The following MYO1E variants were observed in gnomAD, a reference collection of about 807,000 sequenced individuals.
MYO1E encodes the protein unconventional myosin-Ie.
Under a neutral mutation model 151.1 loss-of-function variants are expected in MYO1E, and 68 were observed. That is an observed-to-expected ratio of 0.45 (90% confidence interval 0.37 to 0.55). The LOEUF is 0.55. Ranked by LOEUF, MYO1E falls within the 20% of genes least tolerant of loss-of-function variation. The pLI is 0.00. For synonymous variants in MYO1E, 601 were observed against 501.7 expected, an observed-to-expected ratio of 1.20 and a Z score of -2.64; for missense variants, 1,363 against 1,389.3, an observed-to-expected ratio of 0.98 and a Z score of 0.30.
intron 1 of MYO1E, among the ~76,000 whole-genome samples, chr15:59,312,628 T>C (rs1279883595): frequency 6.6e-6 from 1 of 152,098 alleles, no homozygotes; most frequent in Non-Finnish European, 1.5e-5. Flanking sequence ...CCTCCCAAAG[T>C]GCTGGGATTA....
At chr15:59,246,998 C>T (rs1274348809) in intron 4 of MYO1E, among the ~76,000 whole-genome samples, 2 of 152,154 alleles carry the variant, frequency 1.3e-5, no homozygotes, top group Non-Finnish European at 2.9e-5. Flanking sequence ...GCACCTGAGT[C>T]CAGCCTGGGC....
chr15:59,277,573 AC>A (rs1379671578), intron 1 of MYO1E, among the ~76,000 whole-genome samples: 7 of 148,200 alleles, frequency 4.7e-5, no homozygotes, highest in Admixed American at 1.3e-4. Context: ...AAAAAAAAAA[AC>A]ATCAAAGCCT....
intron 15 of MYO1E, among the ~76,000 whole-genome samples, chr15:59,204,635 G>A (rs1340620437): frequency 6.6e-6 from 1 of 152,186 alleles, no homozygotes; most frequent in African/African-American, 2.4e-5. Context: ...TTCTAGCAGC[G>A]TGCAAGGGGG....
rs529928922 is a variant in MYO1E at position 59,183,119 on chromosome 15, C to A, written c.1905-4582G>T. 7.2e-4 allele frequency among the ~76,000 whole-genome samples: 109 copies of A among 151,272 alleles called. 2 individuals carry two copies. The highest frequency in any genetic ancestry group is 2.9e-4 in the African/African-American group (12 of 41,120). On this transcript the variant is annotated intron_variant, in intron 18 of 27. Transcript: ENST00000288235. ...GCCCAGTTCCTAACAGGCCACAGAC[C>A]AGTACTGGTCCCCTGCTGCGAGTTG...
chr15:59,150,890 C>T (rs567514166), intron 26 of MYO1E, among the ~76,000 whole-genome samples: 1 of 152,186 alleles, frequency 6.6e-6, no homozygotes, highest in Admixed American at 6.5e-5. Flanking sequence ...TTCTACTGCA[C>T]ACTAGAGTTT....
At chr15:59,182,034 G>A (rs1364139132) in intron 18 of MYO1E, among the ~76,000 whole-genome samples, 1 of 152,172 alleles carries the variant, frequency 6.6e-6, no homozygotes, top group East Asian at 1.9e-4. Context: ...TGCGTCTTAT[G>A]GAAAATTGTG....
chr15:59,335,268 T>C, intron 1 of MYO1E, among the ~76,000 whole-genome samples: 1 of 152,220 alleles, frequency 6.6e-6, no homozygotes, highest in East Asian at 1.9e-4. Flanking sequence ...TGGATATATG[T>C]ACTATCCTTG....
intron 7 of MYO1E, among the ~76,000 whole-genome samples, chr15:59,225,901 A>C (rs1215490399): frequency 9.2e-5 from 14 of 152,188 alleles, no homozygotes; most frequent in South Asian, 4.2e-4. Context: ...CCACCTTGGC[A>C]TCCCAAAGTG....
intron 4 of MYO1E, among the ~76,000 whole-genome samples, chr15:59,249,394 C>T (rs1334216450): frequency 6.9e-6 from 1 of 145,932 alleles, no homozygotes; most frequent in African/African-American, 2.5e-5. Context: ...CATTGCACTC[C>T]AGCCTGGTGA....
At chr15:59,248,780 T>G (rs539997125) in intron 4 of MYO1E, among the ~76,000 whole-genome samples, 1 of 152,200 alleles carries the variant, frequency 6.6e-6, no homozygotes, top group Non-Finnish European at 1.5e-5. Flanking sequence ...TTAGTTCATG[T>G]GTTCACATCT....
chr15:59,270,766 G>A (rs1233849824), intron 2 of MYO1E: 4 of 151,724 alleles, frequency 2.6e-5, no homozygotes, highest in African/African-American at 9.7e-5. Context: ...AACCTCCCAA[G>A]TTACAAGTTA....
At chr15:59,343,361 G>A (rs2140430427) in intron 1 of MYO1E, among the ~76,000 whole-genome samples, 1 of 151,498 alleles carries the variant, frequency 6.6e-6, no homozygotes, top group South Asian at 2.1e-4. Context: ...AGTTTCCACT[G>A]AAAAGTCTGC....
At chr15:59,157,942 C>G (rs148386052) in intron 25 of MYO1E, among the ~76,000 whole-genome samples, 2 of 152,334 alleles carry the variant, frequency 1.3e-5, no homozygotes, top group East Asian at 3.9e-4. Flanking sequence ...CTGTAAACTC[C>G]TATTTCCATA....
At chr15:59,244,213 C>A (rs535024085) in intron 4 of MYO1E, among the ~76,000 whole-genome samples, 79 of 152,310 alleles carry the variant, frequency 5.2e-4, no homozygotes, top group African/African-American at 1.7e-3. Flanking sequence ...AAAATTTTCA[C>A]CTACTCTGCC....
chr15:59,236,366 AT>A lies in MYO1E; in HGVS notation c.420+218del, dbSNP rs55907538. Among the ~76,000 whole-genome samples the A allele has an allele frequency of 3.7e-4, 26 of 70,816 alleles. 2 individuals carry two copies. The highest frequency in any genetic ancestry group is 5.6e-4 in the Non-Finnish European group (19 of 33,710). The allele number at this position is 70,816 out of a possible 152,430, so 46.5% of individuals were successfully genotyped here. On this transcript the variant is annotated intron_variant, in intron 5 of 27. Transcript: ENST00000288235. ...GTCTCAAAAAAGAAAAAAAAAAAAT[AT>A]ATACACACACACACACACACACACA... is the stretch of plus-strand genomic sequence containing the variant.
intron 1 of MYO1E, among the ~76,000 whole-genome samples, chr15:59,306,358 T>C (rs1437296345): frequency 1.3e-5 from 2 of 152,222 alleles, no homozygotes; most frequent in African/African-American, 2.4e-5. Context: ...CTTTTTGTCT[T>C]ACTCTTTCTT....
chr15:59,141,920 A>T (rs1195460256), intron 26 of MYO1E, among the ~76,000 whole-genome samples: 1 of 151,908 alleles, frequency 6.6e-6, no homozygotes, highest in African/African-American at 2.4e-5. Context: ...ATCCTGGCTA[A>T]CACGGTGAAA....
rs142017602 is a variant in MYO1E, at chr15:59,300,098, C to T, written c.4-27649G>A. On this transcript the variant is annotated intron_variant, in intron 1 of 27. Coordinates refer to ENST00000288235, the MANE Select transcript of MYO1E (RefSeq NM_004998.4). ...CATTTGAGCAACTGTTCACCACAAA[C>T]CAGTCAGCTACTTTATAATTTATCA... 2.7e-3 allele frequency among the ~76,000 whole-genome samples: 412 copies of T among 152,244 alleles called. 1 individual carries two copies. Among genetic ancestry groups the T allele is most frequent in the Non-Finnish European group, 4.7e-3 (319 of 68,008 alleles).
intron 22 of MYO1E, 53 bp downstream of exon 22, chr15:59,171,844 C>G (rs979120349): frequency 2.2e-5 from 36 of 1,612,260 alleles, no homozygotes; most frequent in Non-Finnish European, 3.1e-5. Flanking sequence ...AACAGCGGAC[C>G]GTGATGCTGA....
Sources: gnomAD v4.1 joint callset for allele counts (sites outside exome capture counted in the v4.1 genomes callset) on GRCh38, gnomAD v4.1.1 for gene constraint, MANE v1.5 for transcripts, NCBI Gene and HGNC (gene_info 2026-07-23, HGNC 2026-07-21) for gene names.